Variants in KAZN observed in about 807,000 individuals in gnomAD.
KAZN encodes the protein kazrin.
In KAZN, 40 loss-of-function variants were observed where a neutral mutation model predicts 87.4. The ratio of observed to expected loss-of-function variants is 0.46; its 90% CI spans 0.36 to 0.60. The LOEUF (loss-of-function observed/expected upper bound fraction) is 0.60. Ranked by LOEUF, KAZN falls within the 20% of genes least tolerant of loss-of-function variation. The pLI is 0.00. For synonymous variants in KAZN, 466 were observed against 458.3 expected, an observed-to-expected ratio of 1.02 and a Z score of -0.22; for missense variants, 898 against 1,073.9, an observed-to-expected ratio of 0.84 and a Z score of 2.29.
chr1:14,665,846 C>T (rs12073635), intron 1 of KAZN, among the ~76,000 whole-genome samples: 3,501 of 150,214 alleles, frequency 0.023, 154 homozygotes, highest in African/African-American at 0.083. Context: ...AGCCCCTCCC[C>T]ACTAAAGGCT....
At chr1:14,612,797 G>A (rs1276799218) in intron 1 of KAZN, among the ~76,000 whole-genome samples, 1 of 152,270 alleles carries the variant, frequency 6.6e-6, no homozygotes, top group Admixed American at 6.5e-5. Flanking sequence ...TGTCCTTTTG[G>A]GGATGAAAGC....
rs755102579 is a variant in KAZN, at chr1:14,599,219, G to T, written c.222G>T (p.Ala74=). The T allele has an allele frequency of 6.5e-6, 9 of 1,392,116 alleles. No homozygotes were observed. The Admixed American group carries it at 1.0e-4, about 16-fold the overall frequency. The allele number at this position is 1,392,116 out of a possible 1,614,324, so 86.2% of individuals were successfully genotyped here. A position where few individuals can be genotyped will look rare whatever the true frequency, so the allele number is the denominator to read the frequency against. Residue 74 remains alanine (A), a synonymous_variant, in exon 1 of 15, where the codon GCG becomes GCT. Coordinates refer to ENST00000376030, the MANE Select transcript of KAZN (RefSeq NM_201628.3). This position sits in a 1 kb window ranked among gnomAD's most constrained non-coding sequence, Gnocchi z 4.4. The part of the protein sequence containing the change: ...ATNMENPQLG[A]QVLLREEVSR... ...ACATGGAGAACCCCCAGCTTGGAGCGCAAGGTAGGATCGCCCCGGCGCCCA... is the reference window on the plus strand; with the variant it reads ...ACATGGAGAACCCCCAGCTTGGAGCTCAAGGTAGGATCGCCCCGGCGCCCA...
intron 2 of KAZN, among the ~76,000 whole-genome samples, chr1:14,188,062 A>G (rs1420548131): frequency 6.6e-6 from 1 of 152,158 alleles, no homozygotes; most frequent in Non-Finnish European, 1.5e-5. Context: ...GAGTAAACAG[A>G]TAACAGTGAG....
intron 1 of KAZN, among the ~76,000 whole-genome samples, chr1:13,906,151 C>A (rs879664633): frequency 1.3e-5 from 2 of 152,190 alleles, no homozygotes; most frequent in Non-Finnish European, 2.9e-5. Flanking sequence ...AATAACATAA[C>A]ATTTACAAGT....
chr1:14,434,534 G>A (rs577825497), intron 2 of KAZN, among the ~76,000 whole-genome samples: 10 of 152,242 alleles, frequency 6.6e-5, no homozygotes, highest in Non-Finnish European at 1.3e-4. Flanking sequence ...TTCTTATGCT[G>A]TGGAGTCAAT....
intron 8 of KAZN, among the ~76,000 whole-genome samples, chr1:15,087,427 C>T (rs1487666107): frequency 6.6e-4 from 94 of 142,330 alleles, no homozygotes; most frequent in African/African-American, 2.4e-3. Context: ...GGGTCTTACT[C>T]TTTCGCCCAG....
chr1:13,953,168 A>G (rs963401335), intron 1 of KAZN, among the ~76,000 whole-genome samples: 2 of 152,076 alleles, frequency 1.3e-5, no homozygotes, highest in Non-Finnish European at 2.9e-5. Flanking sequence ...TCCAGGCACT[A>G]TCTTATCTCT....
At chr1:15,054,268 C>T (rs1002701544) in intron 4 of KAZN, among the ~76,000 whole-genome samples, 11 of 152,096 alleles carry the variant, frequency 7.2e-5, no homozygotes, top group East Asian at 1.9e-4. Context: ...GTAGCTACCC[C>T]GGAAACGTCC....
intron 2 of KAZN, among the ~76,000 whole-genome samples, chr1:14,971,471 C>T (rs1316983686): frequency 6.6e-6 from 1 of 152,148 alleles, no homozygotes; most frequent in African/African-American, 2.4e-5. Context: ...AGCTTGATCC[C>T]TAATGAGTCT....
Position 14,501,062 on chromosome 1 carries a change from TA to T in KAZN, c.250-97916del, listed in dbSNP as rs1251887865. 2.0e-5 allele frequency among the ~76,000 whole-genome samples: 3 copies of T among 148,674 alleles called. No individual in the cohort carries two copies. The East Asian group carries it at 5.9e-4, about 29-fold the overall frequency. ...ATTCTTCACAGACTTTTTCATAACCTAAAAAGAGCATCTGCAAAAAATAAAT... is the reference window on the plus strand; with the variant it reads ...ATTCTTCACAGACTTTTTCATAACCTAAAAGAGCATCTGCAAAAAATAAAT... On this transcript the variant is annotated intron_variant, in intron 2 of 16. Transcript: ENST00000636203.
intron 1 of KAZN, among the ~76,000 whole-genome samples, chr1:14,842,478 G>C (rs771681460): frequency 3.9e-5 from 6 of 152,182 alleles, no homozygotes; most frequent in Non-Finnish European, 5.9e-5. Context: ...CCTGGGCAGG[G>C]GCATTCTCTC....
chr1:15,006,310 A>AG lies in KAZN; in HGVS notation c.419-28438dup, dbSNP rs200386737. ...GCTAAATCTTTGCTAGGCTTAGGGA[A>AG]GAGAGGAGCCCTCTCCTACCTGCAG... is the stretch of plus-strand genomic sequence containing the variant. On this transcript the variant is annotated intron_variant, in intron 2 of 14. Coordinates refer to ENST00000376030, the MANE Select transcript of KAZN (RefSeq NM_201628.3). 2.6e-3 allele frequency among the ~76,000 whole-genome samples: 401 copies of AG among 152,338 alleles called. 1 individual carries two copies. The highest frequency in any genetic ancestry group is 9.4e-3 in the African/African-American group (389 of 41,590).
intron 1 of KAZN, among the ~76,000 whole-genome samples, chr1:14,922,471 G>A (rs774290585): frequency 5.3e-5 from 8 of 152,096 alleles, no homozygotes; most frequent in Non-Finnish European, 1.2e-4. Flanking sequence ...AGTGGTGTGG[G>A]TACTTTTCTT....
At chr1:14,220,670 G>A (rs143489898) in intron 2 of KAZN, among the ~76,000 whole-genome samples, 2 of 152,128 alleles carry the variant, frequency 1.3e-5, no homozygotes, top group Admixed American at 1.3e-4. Context: ...GCTAGCTTAG[G>A]TTATGAATAT....
At chr1:14,677,788 G>A (rs766156314) in intron 1 of KAZN, among the ~76,000 whole-genome samples, 1 of 152,196 alleles carries the variant, frequency 6.6e-6, no homozygotes, top group Admixed American at 6.5e-5. Context: ...GTCTGCACCA[G>A]TATATCAAAA....
chr1:14,841,434 A>G (rs1338626282), intron 1 of KAZN, among the ~76,000 whole-genome samples: 3 of 128,746 alleles, frequency 2.3e-5, no homozygotes, highest in Non-Finnish European at 5.0e-5. Context: ...AAAAAAAAAA[A>G]AAAAAAAGAA....
chr1:14,500,440 A>AT (rs1670176715), intron 2 of KAZN, among the ~76,000 whole-genome samples: 1 of 152,098 alleles, frequency 6.6e-6, no homozygotes, highest in African/African-American at 2.4e-5. Flanking sequence ...CCTTGTATTT[A>AT]TTTTGTAAAT....
chr1:15,107,715 G>A (rs147204802), intron 13 of KAZN, among the ~76,000 whole-genome samples: 16 of 152,188 alleles, frequency 1.1e-4, no homozygotes, highest in South Asian at 4.1e-4. Context: ...CCCCACCACC[G>A]CTGCCTCCCA....
At chr1:14,475,722 T>A (rs757354278) in intron 2 of KAZN, among the ~76,000 whole-genome samples, 1 of 152,224 alleles carries the variant, frequency 6.6e-6, no homozygotes. Flanking sequence ...TGAGTATGTG[T>A]GAATAATTAA....
Sources: allele counts gnomAD v4.1 joint callset (sites outside exome capture counted in the v4.1 genomes callset), GRCh38; gene constraint gnomAD v4.1.1; non-coding constraint Gnocchi (gnomAD v3.1); transcripts MANE v1.5; gene names NCBI Gene and HGNC (gene_info 2026-07-23, HGNC 2026-07-21).